The following TMEM266 variants were observed in gnomAD, a reference collection of about 807,000 sequenced individuals.
TMEM266 encodes transmembrane protein 266.
In TMEM266, 33 loss-of-function variants were observed where a neutral mutation model predicts 50.5. The observed-to-expected ratio is 0.65, with a 90% CI of 0.50 to 0.87. TMEM266 has a LOEUF of 0.87. Among genes scored for constraint, TMEM266 ranks in the 40% least tolerant of loss-of-function variants. The pLI is 0.00. For missense variants in TMEM266, 655 were observed against 695.1 expected (o/e 0.94, Z 0.65); for synonymous variants, 310 against 292.3 (o/e 1.06, Z -0.62).
intron 1 of TMEM266, among the ~76,000 whole-genome samples, chr15:76,073,617 T>C (rs1316706775): frequency 6.6e-6 from 1 of 152,236 alleles, no homozygotes; most frequent in African/African-American, 2.4e-5. Context: ...TTACAAATTG[T>C]ACTTCAGTTA....
chr15:76,122,417 A>G (rs1013819189), intron 1 of TMEM266, among the ~76,000 whole-genome samples: 3 of 152,346 alleles, frequency 2.0e-5, no homozygotes, highest in African/African-American at 7.2e-5. Flanking sequence ...CAATCTTACC[A>G]TATGTAGTAT....
intron 1 of TMEM266, among the ~76,000 whole-genome samples, chr15:76,109,442 A>G (rs1353167705): frequency 3.3e-5 from 5 of 152,232 alleles, no homozygotes; most frequent in African/African-American, 9.6e-5. Flanking sequence ...AGCAGTGATA[A>G]TTAAACATTT....
At chr15:76,072,874 G>A (rs1243147061) in intron 1 of TMEM266, among the ~76,000 whole-genome samples, 1 of 151,896 alleles carries the variant, frequency 6.6e-6, no homozygotes, top group Non-Finnish European at 1.5e-5. Context: ...CTGACCTTGT[G>A]ATCCACCTGC....
At chr15:76,172,625 G>A (rs1251689217) in intron 7 of TMEM266, among the ~76,000 whole-genome samples, 2 of 152,140 alleles carry the variant, frequency 1.3e-5, no homozygotes, top group Non-Finnish European at 2.9e-5. Context: ...AATGTGTTTG[G>A]GTCTCACTTC....
intron 1 of TMEM266, among the ~76,000 whole-genome samples, chr15:76,131,488 T>C (rs2037509500): frequency 6.6e-6 from 1 of 152,246 alleles, no homozygotes; most frequent in South Asian, 2.1e-4. Context: ...CTGACTTCAT[T>C]GTCAGTTGGG....
At chr15:76,183,031 A>AATGGGGC (rs1191510797) in intron 8 of TMEM266, among the ~76,000 whole-genome samples, 1 of 147,512 alleles carries the variant, frequency 6.8e-6, no homozygotes, top group Non-Finnish European at 1.5e-5. Context: ...TGCAGGTTGC[A>AATGGGGC]ATGGGGCAGG....
intron 10 of TMEM266, among the ~76,000 whole-genome samples, chr15:76,203,426 AT>A (rs975185570): frequency 4.6e-5 from 7 of 152,296 alleles, no homozygotes; most frequent in African/African-American, 1.7e-4. Flanking sequence ...ATCCTAGAAC[AT>A]TTGCCAGGGT....
intron 1 of TMEM266, among the ~76,000 whole-genome samples, chr15:76,061,515 T>C (rs903166576): frequency 2.0e-5 from 3 of 152,224 alleles, no homozygotes; most frequent in Non-Finnish European, 4.4e-5. Flanking sequence ...GTGTACCTTT[T>C]CATTAAAATC....
At chr15:76,155,633 C>T (rs2037913070) in intron 3 of TMEM266, among the ~76,000 whole-genome samples, 2 of 152,146 alleles carry the variant, frequency 1.3e-5, no homozygotes. Context: ...TGCATAAGAG[C>T]ATATTGAAGG....
intron 3 of TMEM266, among the ~76,000 whole-genome samples, chr15:76,146,408 T>C (rs1056596447): frequency 6.6e-6 from 1 of 152,138 alleles, no homozygotes; most frequent in African/African-American, 2.4e-5. Flanking sequence ...TATCTTAGGG[T>C]TCTAAAAGGC....
chr15:76,190,225 G>A (rs1347162593), intron 8 of TMEM266, among the ~76,000 whole-genome samples: 1 of 152,238 alleles, frequency 6.6e-6, no homozygotes, highest in African/African-American at 2.4e-5. Context: ...CTGGGACAGA[G>A]GAAGCAGCTG....
chr15:76,176,759 C>T (rs988966070), intron 8 of TMEM266, among the ~76,000 whole-genome samples: 6 of 152,196 alleles, frequency 3.9e-5, no homozygotes, highest in South Asian at 2.1e-4. Context: ...GCTTGCAGTG[C>T]GGTGAGGATG....
At chr15:76,184,128 C>T (rs1039802970) in intron 8 of TMEM266, among the ~76,000 whole-genome samples, 7 of 152,192 alleles carry the variant, frequency 4.6e-5, no homozygotes, top group African/African-American at 1.4e-4. Context: ...GCTCCAGGGA[C>T]GGGGCTTGAG....
At chr15:76,077,578 G>T (rs1293629640) in intron 1 of TMEM266, among the ~76,000 whole-genome samples, 1 of 152,068 alleles carries the variant, frequency 6.6e-6, no homozygotes, top group Non-Finnish European at 1.5e-5. Context: ...TATCAGATGG[G>T]CAGTAAATAC....
At chr15:76,178,113 G>A (rs1433939106) in intron 8 of TMEM266, among the ~76,000 whole-genome samples, 1 of 152,204 alleles carries the variant, frequency 6.6e-6, no homozygotes, top group African/African-American at 2.4e-5. Flanking sequence ...AAGGGGCTCT[G>A]TGGCTGACCA....
intron 1 of TMEM266, among the ~76,000 whole-genome samples, chr15:76,118,467 A>G (rs2959826): frequency 0.047 from 7,093 of 152,232 alleles, 524 homozygotes; most frequent in African/African-American, 0.16. Context: ...GCTAAGGCAG[A>G]AGAATCACTT....
rs897628988 is a variant in TMEM266 at position 76,163,444 on chromosome 15, C to T, written c.456+3276C>T. Reference sequence around the variant, plus strand: ...TCCCTGCACAGGGTCCAAGGTGAGACTGGATGCCCATGAGACTTCCTGGGC... The same window carrying T: ...TCCCTGCACAGGGTCCAAGGTGAGATTGGATGCCCATGAGACTTCCTGGGC... On this transcript the variant is annotated intron_variant, in intron 5 of 10. Transcript: ENST00000388942. 2.0e-5 allele frequency among the ~76,000 whole-genome samples: 3 copies of T among 152,160 alleles called. No individual in the cohort carries two copies. In the East Asian group the frequency reaches 5.8e-4, roughly 29 times the overall value.
intron 3 of TMEM266, among the ~76,000 whole-genome samples, chr15:76,154,239 T>C (rs1350817255): frequency 6.6e-6 from 1 of 152,212 alleles, no homozygotes; most frequent in Non-Finnish European, 1.5e-5. Context: ...GTTTAGGGTA[T>C]ACTAGAAAAT....
At chr15:76,143,467 C>T (rs2037711777) in intron 3 of TMEM266, among the ~76,000 whole-genome samples, 1 of 152,214 alleles carries the variant, frequency 6.6e-6, no homozygotes, top group Non-Finnish European at 1.5e-5. Flanking sequence ...TACTCCCTCC[C>T]TCTCCAGCCT....
Sources: gnomAD v4.1 joint callset for allele counts (sites outside exome capture counted in the v4.1 genomes callset) on GRCh38, gnomAD v4.1.1 for gene constraint, MANE v1.5 for transcripts, NCBI Gene and HGNC (gene_info 2026-07-23, HGNC 2026-07-21) for gene names.